Variants in IGF2BP2 observed in about 807,000 individuals in gnomAD.
IGF2BP2 encodes insulin-like growth factor 2 mRNA-binding protein 2.
In IGF2BP2, 17 loss-of-function variants were observed where a neutral mutation model predicts 75.8. The observed-to-expected ratio is 0.22, with a 90% CI of 0.15 to 0.34. IGF2BP2 has a LOEUF of 0.34. Ranked by LOEUF, IGF2BP2 falls within the 10% of genes least tolerant of loss-of-function variation. The pLI is 1.00. For synonymous variants in IGF2BP2, 288 were observed against 295.6 expected, an observed-to-expected ratio of 0.97 and a Z score of 0.26; for missense variants, 516 against 772.4, an observed-to-expected ratio of 0.67 and a Z score of 3.93.
chr3:185,817,001 A>G (rs1217968969), intron 2 of IGF2BP2, among the ~76,000 whole-genome samples: 2 of 152,236 alleles, frequency 1.3e-5, no homozygotes, highest in Admixed American at 6.5e-5. Context: ...GTTCCCATAC[A>G]AATTTTTCTG....
At chr3:185,823,263 CG>C in intron 1 of IGF2BP2, 50 bp from the exon 2 acceptor site, 1 of 1,468,976 alleles carries the variant, frequency 6.8e-7, no homozygotes, top group Non-Finnish European at 9.4e-7. Flanking sequence ...ATCAAGCCCG[CG>C]GGGGTCTAGG....
intron 2 of IGF2BP2, among the ~76,000 whole-genome samples, chr3:185,746,306 C>G (rs1306839322): frequency 6.6e-6 from 1 of 152,084 alleles, no homozygotes; most frequent in Non-Finnish European, 1.5e-5. Context: ...CCACTAAAGC[C>G]AAGACACCAC....
At chr3:185,785,228 G>A (rs1735715700) in intron 2 of IGF2BP2, among the ~76,000 whole-genome samples, 1 of 150,742 alleles carries the variant, frequency 6.6e-6, no homozygotes, top group Non-Finnish European at 1.5e-5. Flanking sequence ...TTGAACCTGG[G>A]AGATGGAGAC....
chr3:185,688,596 G>A (rs1721478474), intron 6 of IGF2BP2, among the ~76,000 whole-genome samples: 1 of 152,190 alleles, frequency 6.6e-6, no homozygotes, highest in South Asian at 2.1e-4. Flanking sequence ...CCCTGCTTCA[G>A]CCTCCCAAAG....
chr3:185,715,972 G>A (rs913970156), intron 2 of IGF2BP2, among the ~76,000 whole-genome samples: 1 of 151,946 alleles, frequency 6.6e-6, no homozygotes, highest in Non-Finnish European at 1.5e-5. Context: ...TTTGACATGT[G>A]GCTGCCAGGT....
chr3:185,736,102 C>T (rs1253554912), intron 2 of IGF2BP2, among the ~76,000 whole-genome samples: 2 of 152,192 alleles, frequency 1.3e-5, no homozygotes, highest in African/African-American at 2.4e-5. Flanking sequence ...CCCAGATCAC[C>T]GTTTCAGTCC....
At chr3:185,768,897 T>C (rs1226991127) in intron 2 of IGF2BP2, among the ~76,000 whole-genome samples, 1 of 152,120 alleles carries the variant, frequency 6.6e-6, no homozygotes, top group Non-Finnish European at 1.5e-5. Context: ...TGTGGTGGCA[T>C]GCGCCTGTAG....
rs917625574 is a variant in IGF2BP2, at chr3:185,645,855, G to C, written c.1708-232C>G. 6.6e-6 allele frequency among the ~76,000 whole-genome samples: 1 copy of C among 152,112 alleles called. No homozygotes were observed. Among genetic ancestry groups the C allele is most frequent in the Non-Finnish European group, 1.5e-5 (1 of 68,016 alleles). On this transcript the variant is annotated intron_variant, in intron 15 of 15. Transcript: ENST00000382199. The surrounding 1 kb of genome is among the most constrained non-coding windows in gnomAD (Gnocchi z 4.9). ...GTCCAGGGTAAGGGGATGGGACTCC[G>C]GCAGCTTCCAGTTCACTGCTGGACG...
intron 7 of IGF2BP2, among the ~76,000 whole-genome samples, chr3:185,685,910 C>T (rs919169777): frequency 1.3e-5 from 2 of 152,198 alleles, no homozygotes; most frequent in African/African-American, 4.8e-5. Flanking sequence ...TCCCAAAGCA[C>T]TGAGATTATA....
At chr3:185,702,501 A>G (rs1270849330) in intron 2 of IGF2BP2, among the ~76,000 whole-genome samples, 1 of 152,204 alleles carries the variant, frequency 6.6e-6, no homozygotes, top group Admixed American at 6.5e-5. Context: ...GTCCTTTAAA[A>G]TAATAATTTC....
rs1356738246 is a variant in IGF2BP2, at chr3:185,661,564, G to C, written c.1201-3155C>G. Among the ~76,000 whole-genome samples, 3 of 149,520 alleles carry C rather than the reference G, an allele frequency of 2.0e-5. No individual in the cohort carries two copies. The East Asian group carries it at 6.0e-4, about 30-fold the overall frequency. On this transcript the variant is annotated intron_variant, in intron 10 of 15. Transcript: ENST00000382199. ...AGGTGGGAGAATCGCTTGAACCCGGGAGACAAGAGGTTTCAGTGAGCCGAG... is the reference window on the plus strand; with the variant it reads ...AGGTGGGAGAATCGCTTGAACCCGGCAGACAAGAGGTTTCAGTGAGCCGAG...
At chr3:185,748,272 T>C (rs1474502085) in intron 2 of IGF2BP2, among the ~76,000 whole-genome samples, 2 of 152,142 alleles carry the variant, frequency 1.3e-5, no homozygotes, top group African/African-American at 2.4e-5. Flanking sequence ...AGGAAGGAAC[T>C]GGGGGGTTAC....
intron 2 of IGF2BP2, among the ~76,000 whole-genome samples, chr3:185,730,428 C>CTTTTTTT (rs71632076): frequency 4.1e-5 from 4 of 96,762 alleles, no homozygotes; most frequent in Non-Finnish European, 8.1e-5. Context: ...GCGCAGGTGT[C>CTTTTTTT]TTTTTTTTTT....
intron 2 of IGF2BP2, among the ~76,000 whole-genome samples, chr3:185,771,720 T>A (rs889605799): frequency 6.6e-6 from 1 of 152,198 alleles, no homozygotes; most frequent in Non-Finnish European, 1.5e-5. Context: ...CCTTACAGTT[T>A]GAATAAGTAG....
chr3:185,823,751 G>T lies in IGF2BP2; in HGVS notation c.179-538C>A, dbSNP rs555431839. On this transcript the variant is annotated intron_variant, in intron 1 of 15. Transcript: ENST00000382199. ...CGCCCCGCCCCCACTCCACACGCCG[G>T]TGGGGAAGGGGCTCCCGCCGGGCCG... Among the ~76,000 whole-genome samples the T allele has an allele frequency of 2.1e-3, 316 of 152,032 alleles. 1 individual carries two copies. The highest frequency in any genetic ancestry group is 7.2e-3 in the African/African-American group (299 of 41,530).
At position 185,803,192 on chromosome 3, in the gene IGF2BP2, A is replaced by G. The variant is rs1452996660; in HGVS notation, c.239+19961T>C. 2.6e-5 allele frequency among the ~76,000 whole-genome samples: 4 copies of G among 152,150 alleles called. No individual in the cohort carries two copies. The East Asian group carries it at 7.7e-4, about 29-fold the overall frequency. Reference sequence around the variant, plus strand: ...ATGGTGAAACCCTGTCTCTAATAAAAATACAAAAAGTAGCCGGGTGTGGTG... The same window carrying G: ...ATGGTGAAACCCTGTCTCTAATAAAGATACAAAAAGTAGCCGGGTGTGGTG... On this transcript the variant is annotated intron_variant, in intron 2 of 15. Coordinates refer to ENST00000382199, the MANE Select transcript of IGF2BP2 (RefSeq NM_006548.6).
rs1305559912 is a variant in IGF2BP2, at chr3:185,666,397, G to A, written c.1200+6144C>T. 3.9e-5 allele frequency among the ~76,000 whole-genome samples: 6 copies of A among 152,212 alleles called. No individual in the cohort carries two copies. In the East Asian group the frequency reaches 9.6e-4, roughly 24 times the overall value. ...GCCTATAATCCCAGCACTTTGAGAG[G>A]CCGAGGCAGGTGGATCACCTGAGGT... On this transcript the variant is annotated intron_variant, in intron 10 of 15. Coordinates refer to ENST00000382199, the MANE Select transcript of IGF2BP2 (RefSeq NM_006548.6).
rs549543476 is a variant in IGF2BP2, at chr3:185,669,926, T to C, written c.1200+2615A>G. On this transcript the variant is annotated intron_variant, in intron 10 of 15. Transcript: ENST00000382199. ...GTCTGCGGTGTGGACTCTCCAGGTATCACTCCAGGAATAGCCTAGGTCCTG... is the reference window on the plus strand; with the variant it reads ...GTCTGCGGTGTGGACTCTCCAGGTACCACTCCAGGAATAGCCTAGGTCCTG... Among the ~76,000 whole-genome samples the C allele has an allele frequency of 1.1e-4, 16 of 152,288 alleles. No individual in the cohort carries two copies. The South Asian group carries it at 2.9e-3, about 28-fold the overall frequency.
At chr3:185,820,235 T>TACACACACACACACACACACACAC (rs202064714) in intron 2 of IGF2BP2, among the ~76,000 whole-genome samples, 11 of 102,754 alleles carry the variant, frequency 1.1e-4, no homozygotes, top group African/African-American at 4.1e-4. Context: ...TATATACACA[T>TACACACACACACACACACACACAC]ACACACACAC....
Sources: gnomAD v4.1 joint callset for allele counts (sites outside exome capture counted in the v4.1 genomes callset) on GRCh38, gnomAD v4.1.1 for gene constraint, Gnocchi (gnomAD v3.1) non-coding constraint, MANE v1.5 for transcripts, NCBI Gene and HGNC (gene_info 2026-07-23, HGNC 2026-07-21) for gene names.